GALNT17: variants seen among roughly 807,000 people sequenced by gnomAD.
GALNT17 encodes UDP-GalNAc:polypeptide N-acetylgalactosaminyltransferase-like 3.
Under a neutral mutation model 63.7 loss-of-function variants are expected in GALNT17, and 29 were observed. That is an observed-to-expected ratio of 0.46 (90% CI 0.34 to 0.62). The LOEUF (loss-of-function observed/expected upper bound fraction) is 0.62, where lower values mean the gene tolerates loss of function less well. GALNT17 is among the 20% of genes least tolerant of loss of function. GALNT17 has a pLI of 0.01. For synonymous variants in GALNT17, 305 were observed against 318.3 expected, an observed-to-expected ratio of 0.96 and a Z score of 0.45; for missense variants, 603 against 799.6, an observed-to-expected ratio of 0.75 and a Z score of 2.97.
chr7:71,474,865 T>TA (rs1342554109), intron 5 of GALNT17, among the ~76,000 whole-genome samples: 1 of 152,176 alleles, frequency 6.6e-6, no homozygotes, highest in Non-Finnish European at 1.5e-5. Flanking sequence ...GGGGAGATTA[T>TA]ACTGGATTTT....
chr7:71,372,974 G>T (rs184271609), intron 2 of GALNT17, among the ~76,000 whole-genome samples: 3 of 152,198 alleles, frequency 2.0e-5, no homozygotes, highest in African/African-American at 7.2e-5. Flanking sequence ...GCATGTCGAG[G>T]TGGGGAGCTT....
At chr7:71,621,355 G>A (rs1464569180) in intron 6 of GALNT17, among the ~76,000 whole-genome samples, 2 of 152,130 alleles carry the variant, frequency 1.3e-5, no homozygotes, top group African/African-American at 4.8e-5. Context: ...GAGCATCTAT[G>A]TCGATTTTAT....
chr7:71,402,809 G>A (rs1474238971), intron 3 of GALNT17, among the ~76,000 whole-genome samples: 2 of 151,178 alleles, frequency 1.3e-5, no homozygotes, highest in Non-Finnish European at 1.5e-5. Context: ...GAGAAGTCTT[G>A]TGTTTCCAAG....
At chr7:71,457,550 T>G (rs1385689275) in intron 5 of GALNT17, among the ~76,000 whole-genome samples, 3 of 152,230 alleles carry the variant, frequency 2.0e-5, no homozygotes, top group Non-Finnish European at 4.4e-5. Context: ...TGCCCATTTT[T>G]ATGGTTATTT....
At chr7:71,641,545 T>C (rs1790603945) in intron 6 of GALNT17, among the ~76,000 whole-genome samples, 1 of 152,106 alleles carries the variant, frequency 6.6e-6, no homozygotes, top group East Asian at 1.9e-4. Flanking sequence ...CGTCTTGCAA[T>C]GTCCTCACGT....
At chr7:71,355,789 T>C (rs1044321319) in intron 2 of GALNT17, among the ~76,000 whole-genome samples, 3 of 152,136 alleles carry the variant, frequency 2.0e-5, no homozygotes, top group East Asian at 3.9e-4. Flanking sequence ...CACCTCAGCC[T>C]CCCAAAGTGC....
intron 1 of GALNT17, among the ~76,000 whole-genome samples, chr7:71,252,337 C>T (rs1486203639): frequency 2.0e-5 from 3 of 151,754 alleles, no homozygotes; most frequent in Non-Finnish European, 4.4e-5. Context: ...CCAGCCTGGC[C>T]AACATGATGA....
At chr7:71,594,804 C>A (rs1789862879) in intron 6 of GALNT17, among the ~76,000 whole-genome samples, 1 of 152,148 alleles carries the variant, frequency 6.6e-6, no homozygotes, top group Non-Finnish European at 1.5e-5. Context: ...ATTTTATTAT[C>A]TCTCCTGTGC....
chr7:71,186,660 G>T (rs542809351), intron 1 of GALNT17, among the ~76,000 whole-genome samples: 1 of 152,288 alleles, frequency 6.6e-6, no homozygotes, highest in Admixed American at 6.5e-5. Flanking sequence ...ACAGAAAGGA[G>T]GGCCAACTGG....
intron 9 of GALNT17, among the ~76,000 whole-genome samples, chr7:71,678,263 T>A (rs1030021227): frequency 1.8e-4 from 27 of 151,966 alleles, no homozygotes; most frequent in Admixed American, 1.8e-3. Context: ...TAGCTGAGAT[T>A]ACAGGCTTGC....
At chr7:71,559,695 C>G (rs895160217) in intron 5 of GALNT17, among the ~76,000 whole-genome samples, 2 of 151,944 alleles carry the variant, frequency 1.3e-5, no homozygotes, top group African/African-American at 4.8e-5. Context: ...GACCTTGTTT[C>G]TACCAAAAGG....
chr7:71,583,016 A>G (rs973693214), intron 6 of GALNT17, among the ~76,000 whole-genome samples: 1 of 152,204 alleles, frequency 6.6e-6, no homozygotes, highest in African/African-American at 2.4e-5. Flanking sequence ...ATTGAAGCCT[A>G]TCATCTTTTT....
intron 5 of GALNT17, among the ~76,000 whole-genome samples, chr7:71,527,377 G>T (rs1290907466): frequency 1.3e-5 from 2 of 152,118 alleles, no homozygotes; most frequent in African/African-American, 4.8e-5. Flanking sequence ...ATTTTCCCCC[G>T]ATTATGTGAG....
At chr7:71,199,895 G>C (rs1161118828) in intron 1 of GALNT17, among the ~76,000 whole-genome samples, 1 of 152,110 alleles carries the variant, frequency 6.6e-6, no homozygotes, top group Admixed American at 6.5e-5. Context: ...AGGGGTTTAT[G>C]GTACTGTAAT....
chr7:71,583,342 C>A (rs559708270), intron 6 of GALNT17, among the ~76,000 whole-genome samples: 1 of 152,334 alleles, frequency 6.6e-6, no homozygotes, highest in South Asian at 2.1e-4. Flanking sequence ...GATCCGCCCA[C>A]CTCGGCCTCC....
chr7:71,576,071 G>C (rs921089588), intron 6 of GALNT17, among the ~76,000 whole-genome samples: 4 of 152,132 alleles, frequency 2.6e-5, no homozygotes, highest in African/African-American at 9.7e-5. Flanking sequence ...AGAAAAGATA[G>C]GTTACTTTAA....
intron 9 of GALNT17, among the ~76,000 whole-genome samples, chr7:71,700,410 G>A (rs1456041762): frequency 3.3e-5 from 5 of 151,766 alleles, no homozygotes; most frequent in East Asian, 1.9e-4. Flanking sequence ...ACCTTCATCC[G>A]CCCCTCTACT....
chr7:71,430,483 T>C (rs1786841740), intron 5 of GALNT17, among the ~76,000 whole-genome samples: 1 of 152,220 alleles, frequency 6.6e-6, no homozygotes, highest in Admixed American at 6.5e-5. Context: ...ACAGCATATG[T>C]TGCTTTCAGG....
chr7:71,348,240 C>G (rs1292012242), intron 2 of GALNT17, among the ~76,000 whole-genome samples: 1 of 150,294 alleles, frequency 6.7e-6, no homozygotes, highest in Non-Finnish European at 1.5e-5. Flanking sequence ...CAGCCTGGAC[C>G]ACTGAGTGAG....
Sources: allele counts gnomAD v4.1 joint callset (sites outside exome capture counted in the v4.1 genomes callset), GRCh38; gene constraint gnomAD v4.1.1; transcripts MANE v1.5; gene names NCBI Gene and HGNC (gene_info 2026-07-23, HGNC 2026-07-21).